ACSS2: variants seen among roughly 807,000 people sequenced by gnomAD.
ACSS2 encodes the protein acyl-CoA synthetase short chain family member 2, also known as acetyl-coenzyme A synthetase, cytoplasmic.
In ACSS2, 58 loss-of-function variants were observed where a neutral mutation model predicts 90.6. That is an observed-to-expected ratio of 0.64 (90% CI 0.52 to 0.80). ACSS2 has a LOEUF of 0.80. Among genes scored for constraint, ACSS2 ranks in the 30% least tolerant of loss-of-function variants. The pLI is 0.00. For missense variants in ACSS2, 759 were observed against 912.0 expected (o/e 0.83, Z 2.16); for synonymous variants, 300 against 330.9 (o/e 0.91, Z 1.01).
At chr20:34,924,754 C>T (rs2081281149) in intron 14 of ACSS2, among the ~76,000 whole-genome samples, 1 of 151,944 alleles carries the variant, frequency 6.6e-6, no homozygotes, top group Non-Finnish European at 1.5e-5. Context: ...GGCTGGAGTG[C>T]GGTGGCACGA....
At chr20:34,897,256 T>G (rs1241228731) in intron 2 of ACSS2, among the ~76,000 whole-genome samples, 1 of 152,178 alleles carries the variant, frequency 6.6e-6, no homozygotes, top group Non-Finnish European at 1.5e-5. Context: ...AAGTATACAA[T>G]TCATATTTTT....
chr20:34,920,816 T>C (rs1436506913), intron 9 of ACSS2, 107 bp downstream of exon 9: 3 of 1,473,454 alleles, frequency 2.0e-6, no homozygotes, highest in Non-Finnish European at 2.8e-6. Flanking sequence ...TACAATCATC[T>C]GTTTTCTGGA....
At chr20:34,877,818 C>CAAAAAAAAAAAAAAAAAAAAAAAAAA (rs60819156) in intron 1 of ACSS2, among the ~76,000 whole-genome samples, 2 of 91,222 alleles carry the variant, frequency 2.2e-5, no homozygotes, top group Admixed American at 3.0e-4. Context: ...GACTTTGTCT[C>CAAAAAAAAAAAAAAAAAAAAAAAAAA]AAAAAAAAAA....
At position 34,913,951 on chromosome 20, in the gene ACSS2, T is replaced by TCCC; in HGVS notation, c.643+127_643+129dup. The TCCC allele has an allele frequency of 2.9e-6, 4 of 1,358,464 alleles. No individual in the cohort carries two copies. In the South Asian group the frequency reaches 4.7e-5, roughly 16 times the overall value. The allele number at this position is 1,358,464 out of a possible 1,614,324, so 84.2% of individuals were successfully genotyped here. Reference sequence around the variant, plus strand: ...AGACTGCCTGCCTTTTCTCTCCTGGTCCCACCTCAGCTGACCCTCTGTCAG... The same window carrying TCCC: ...AGACTGCCTGCCTTTTCTCTCCTGGTCCCCCCACCTCAGCTGACCCTCTGTCAG... On this transcript the variant is annotated intron_variant, in intron 5 of 17. Transcript: ENST00000360596.
chr20:34,926,823 T>G, intron 16 of ACSS2, 54 bp from the exon 17 acceptor site: 1 of 1,597,022 alleles, frequency 6.3e-7, no homozygotes, highest in Non-Finnish European at 8.6e-7. Context: ...CTTTGATTTT[T>G]GAAAAGTCTG....
chr20:34,888,067 C>CAA (rs34578238), intron 2 of ACSS2, among the ~76,000 whole-genome samples: 33,101 of 62,578 alleles, frequency 0.53, 8,484 homozygotes, highest in South Asian at 0.68. Flanking sequence ...AAGACTCCAT[C>CAA]AAAAAAAAAA....
rs1178386329 is a variant in ACSS2, at chr20:34,876,816, G to C, written c.171G>C (p.Glu57Asp). Residue 57 changes from glutamate (E) to aspartate (D), a missense_variant, in exon 1 of 18, where the codon GAG becomes GAC. Physicochemically the swap from Glu to Asp is conservative, Grantham distance 45 (BLOSUM62 2). Coordinates refer to ENST00000360596, the MANE Select transcript of ACSS2 (RefSeq NM_018677.4). Reference protein sequence around the residue: ...YRELHRRSVEEPREFWGDIAK... With the variant: ...YRELHRRSVEDPREFWGDIAK... ...AGCTGCACCGGCGCTCCGTGGAGGAGCCGCGGGGTGAGGCCCGGCCCGGGC... is the reference window on the plus strand; with the variant it reads ...AGCTGCACCGGCGCTCCGTGGAGGACCCGCGGGGTGAGGCCCGGCCCGGGC... 54 of 1,305,262 alleles carry C rather than the reference G, an allele frequency of 4.1e-5. No homozygotes were observed. Among genetic ancestry groups the C allele is most frequent in the Non-Finnish European group, 5.0e-5 (51 of 1,023,596 alleles). 80.9% of individuals were successfully genotyped at this position (1,305,262 alleles called of 1,614,324 possible).
intron 2 of ACSS2, among the ~76,000 whole-genome samples, chr20:34,887,991 A>G (rs1382220202): frequency 7.0e-6 from 1 of 143,212 alleles, no homozygotes; most frequent in Non-Finnish European, 1.5e-5. Flanking sequence ...AATTGCTTGA[A>G]CCCAGGAGAC....
intron 2 of ACSS2, among the ~76,000 whole-genome samples, chr20:34,902,066 A>G (rs1429363914): frequency 6.6e-6 from 1 of 150,770 alleles, no homozygotes; most frequent in East Asian, 1.9e-4. Flanking sequence ...ATTGATGTAG[A>G]TTTTCCATTT....
rs2081140196 is a variant in ACSS2 at position 34,919,236 on chromosome 20, G to A, written c.835-199G>A. On this transcript the variant is annotated intron_variant, in intron 7 of 17. Transcript: ENST00000360596. Reference sequence around the variant, plus strand: ...AGTTCTGGGGTAGAGATGGGGGTAGGATGGCAGGGTGGTTGGAGTACTCAG... The same window carrying A: ...AGTTCTGGGGTAGAGATGGGGGTAGAATGGCAGGGTGGTTGGAGTACTCAG... 3.3e-5 allele frequency among the ~76,000 whole-genome samples: 5 copies of A among 152,120 alleles called. No homozygotes were observed. In the South Asian group the frequency reaches 1.0e-3, roughly 32 times the overall value.
intron 2 of ACSS2, among the ~76,000 whole-genome samples, chr20:34,889,922 G>A (rs530365296): frequency 6.6e-6 from 1 of 152,236 alleles, no homozygotes; most frequent in East Asian, 1.9e-4. Context: ...AGCGGAAGTC[G>A]CAGCAGAGGT....
intron 12 of ACSS2, 92 bp downstream of exon 12, chr20:34,921,692 ATG>A: frequency 6.3e-7 from 1 of 1,588,036 alleles, no homozygotes; most frequent in African/African-American, 1.7e-5. Flanking sequence ...CTGGACTGAC[ATG>A]TGTGAAGAAT....
In ACSS2 at chr20:34,876,726, G is replaced by A. The variant is rs1381687292; in HGVS notation, c.81G>A (p.Arg27=). 2 of 1,445,480 alleles carry A rather than the reference G, an allele frequency of 1.4e-6. No individual in the cohort carries two copies. The highest frequency in any genetic ancestry group is 2.6e-5 in the Admixed American group (1 of 38,820). 89.5% of individuals were successfully genotyped at this position (1,445,480 alleles called of 1,614,324 possible). A position where few individuals can be genotyped will look rare whatever the true frequency, so the allele number is the denominator to read the frequency against. ...AAGCTGGAGCCGGAGGCCGGGCGCG[G>A]AGTTGGTCTCCGCCGCCCGAGGTCA... ...QEEAGAGGRA[R]SWSPPPEVSR... is the part of the protein sequence containing the mutation. Residue 27 remains arginine (R), a synonymous_variant, in exon 1 of 18, where the codon CGG becomes CGA. Coordinates refer to ENST00000360596, the MANE Select transcript of ACSS2 (RefSeq NM_018677.4).
At chr20:34,894,524 G>A (rs1195827009) in intron 2 of ACSS2, among the ~76,000 whole-genome samples, 1 of 151,834 alleles carries the variant, frequency 6.6e-6, no homozygotes, top group Non-Finnish European at 1.5e-5. Context: ...AATTAGCTGG[G>A]TATGGTCATG....
intron 2 of ACSS2, among the ~76,000 whole-genome samples, chr20:34,903,826 C>T (rs972015771): frequency 6.8e-6 from 1 of 147,890 alleles, no homozygotes; most frequent in Non-Finnish European, 1.5e-5. Flanking sequence ...CATTTGAGCC[C>T]GAGAGTTTAA....
At chr20:34,876,361 G>A (rs2079905952), upstream of ACSS2, 1 of 245,402 alleles carries the variant, frequency 4.1e-6, no homozygotes, top group Non-Finnish European at 7.2e-6. Flanking sequence ...ACCCGGCCCC[G>A]CCCCTTCTGC....
chr20:34,927,167 T>G lies in ACSS2; in HGVS notation c.2059T>G (p.Ser687Ala), dbSNP rs1477355430. 6.2e-7 allele frequency: 1 copy of G among 1,614,130 alleles called. No individual in the cohort carries two copies. The highest frequency in any genetic ancestry group is 8.5e-7 in the Non-Finnish European group (1 of 1,180,020). ...GGACATGTCTACTGTGGCTGACCCA[T>G]CTGTCATCAGTCACCTCTTCAGCCA... ...LGDMSTVADP[S>A]VISHLFSHRC... Residue 687 changes from serine to alanine, a missense_variant, in exon 18 of 18, where the codon TCT becomes GCT. Physicochemically the swap from Ser to Ala is moderately conservative, Grantham distance 99 (BLOSUM62 1). Coordinates refer to ENST00000360596, the MANE Select transcript of ACSS2 (RefSeq NM_018677.4). The surrounding 1 kb of genome is among the most constrained non-coding windows in gnomAD (Gnocchi z 4.2).
At chr20:34,899,951 AT>A (rs1245359330) in intron 2 of ACSS2, among the ~76,000 whole-genome samples, 1 of 152,164 alleles carries the variant, frequency 6.6e-6, no homozygotes, top group Non-Finnish European at 1.5e-5. Context: ...GCTGAGTCAT[AT>A]GGTAAGTCTA....
chr20:34,878,305 G>A (rs1361680941), intron 1 of ACSS2, among the ~76,000 whole-genome samples: 2 of 152,148 alleles, frequency 1.3e-5, no homozygotes, highest in Admixed American at 1.3e-4. Flanking sequence ...CATGGGCCAC[G>A]AATCAAATCC....
Sources: gnomAD v4.1 joint callset for allele counts (sites outside exome capture counted in the v4.1 genomes callset) on GRCh38, gnomAD v4.1.1 for gene constraint, Gnocchi (gnomAD v3.1) non-coding constraint, MANE v1.5 for transcripts, NCBI Gene and HGNC (gene_info 2026-07-23, HGNC 2026-07-21) for gene names.